The following TIAM2 variants were observed in gnomAD, a reference collection of about 807,000 sequenced individuals.
The protein encoded by TIAM2 is rho guanine nucleotide exchange factor TIAM2.
In TIAM2, 80 loss-of-function variants were observed where a neutral mutation model predicts 152.9. The observed-to-expected ratio is 0.52, with a 90% CI of 0.44 to 0.63. TIAM2 has a LOEUF of 0.63. Ranked by LOEUF, TIAM2 falls within the 30% of genes least tolerant of loss-of-function variation. The pLI is 0.00. For missense variants in TIAM2, 1,965 were observed against 2,120.1 expected, an observed-to-expected ratio of 0.93 and a Z score of 1.44; for synonymous variants, 804 against 838.0, an observed-to-expected ratio of 0.96 and a Z score of 0.70.
At chr6:155,048,566 A>G (rs200494488) in intron 1 of TIAM2, among the ~76,000 whole-genome samples, 1 of 46,512 alleles carries the variant, frequency 2.1e-5, no homozygotes, top group Non-Finnish European at 7.3e-5. Flanking sequence ...AATGGGGGTC[A>G]GGGGTGTCCT....
At chr6:155,091,431 C>T (rs1018850823) in intron 2 of TIAM2, among the ~76,000 whole-genome samples, 3 of 152,136 alleles carry the variant, frequency 2.0e-5, no homozygotes, top group Non-Finnish European at 4.4e-5. Flanking sequence ...ATGAGTTGAA[C>T]GGTTAAATGA....
In TIAM2 at chr6:155,176,899, C is replaced by T; in HGVS notation, c.2445C>T (p.His815=). The change falls in exon 10 of 27, where the codon CAC becomes CAT. Residue 815 remains histidine, a synonymous_variant. Transcript: ENST00000682666. ...DNAWEIQTYV[H]FQDNHGVTVG... is the part of the protein sequence containing the mutation. ...CATGGGAAATCCAGACTTATGTCCACTTTCAGGACAATCACGGAGTTACTG... is the reference window on the plus strand; with the variant it reads ...CATGGGAAATCCAGACTTATGTCCATTTTCAGGACAATCACGGAGTTACTG... 6.2e-7 allele frequency: 1 copy of T among 1,614,012 alleles called. No individual in the cohort carries two copies.
intron 15 of TIAM2, among the ~76,000 whole-genome samples, chr6:155,219,460 GGCGGA>G (rs1781967022): frequency 6.6e-6 from 1 of 152,140 alleles, no homozygotes; most frequent in African/African-American, 2.4e-5. Context: ...GTCAGAGTTG[GGCGGA>G]GTGTGGCACC....
intron 24 of TIAM2, 88 bp from the exon 25 acceptor site, chr6:155,253,885 A>C (rs1783831556): frequency 1.0e-6 from 1 of 953,436 alleles, no homozygotes; most frequent in African/African-American, 1.7e-5. Flanking sequence ...GACTTTCTTA[A>C]CTGATGAGAT....
chr6:155,095,856 G>A (rs1583187327), intron 2 of TIAM2, among the ~76,000 whole-genome samples: 2 of 152,178 alleles, frequency 1.3e-5, no homozygotes, highest in African/African-American at 2.4e-5. Flanking sequence ...CAGATTACTT[G>A]CACTTTCTCC....
intron 2 of TIAM2, among the ~76,000 whole-genome samples, chr6:155,126,281 C>T (rs1779293657): frequency 6.6e-6 from 1 of 152,178 alleles, no homozygotes; most frequent in African/African-American, 2.4e-5. Flanking sequence ...TTCATAGAGG[C>T]AGAAAGTAGA....
rs1209785997 is a variant in TIAM2, at chr6:155,137,324, G to A, written c.1342G>A (p.Ala448Thr). 1.2e-6 allele frequency: 2 copies of A among 1,614,084 alleles called. No homozygotes were observed. Among genetic ancestry groups the A allele is most frequent in the Non-Finnish European group, 1.7e-6 (2 of 1,180,036 alleles). Reference protein sequence around the residue: ...ILSQRSESTHAIGSDPLRQNI... With the variant: ...ILSQRSESTHTIGSDPLRQNI... ...GTCTCAGAGAAGTGAATCCACACATGCGATTGGCAGCGATCCCCTCCGGCA... is the reference window on the plus strand; with the variant it reads ...GTCTCAGAGAAGTGAATCCACACATACGATTGGCAGCGATCCCCTCCGGCA... Residue 448 changes from alanine to threonine, a missense_variant, in exon 5 of 27, where the codon GCG (alanine) becomes ACG (threonine). Coordinates refer to ENST00000682666, the MANE Select transcript of TIAM2 (RefSeq NM_012454.4).
chr6:155,188,674 A>G (rs1480247844), intron 14 of TIAM2, among the ~76,000 whole-genome samples: 1 of 152,202 alleles, frequency 6.6e-6, no homozygotes, highest in Non-Finnish European at 1.5e-5. Flanking sequence ...CATACTTGTG[A>G]TTTGTGTATG....
intron 14 of TIAM2, among the ~76,000 whole-genome samples, chr6:155,205,980 T>A (rs1781585516): frequency 6.6e-6 from 1 of 152,222 alleles, no homozygotes; most frequent in Admixed American, 6.5e-5. Context: ...ATTTCTGTTT[T>A]TAAGTTGGTA....
At chr6:155,085,555 G>A (rs571101191) in intron 1 of TIAM2, among the ~76,000 whole-genome samples, 48 of 151,724 alleles carry the variant, frequency 3.2e-4, no homozygotes, top group Non-Finnish European at 5.9e-4. Context: ...TTTCTTAGAT[G>A]TGGCCATTAA....
At chr6:155,169,901 C>T (rs1355113977) in intron 9 of TIAM2, among the ~76,000 whole-genome samples, 2 of 152,134 alleles carry the variant, frequency 1.3e-5, no homozygotes, top group African/African-American at 4.8e-5. Context: ...TCACTGAAAC[C>T]TCTGCCTCCC....
chr6:155,068,500 A>G (rs1777755403), intron 1 of TIAM2, among the ~76,000 whole-genome samples: 1 of 151,596 alleles, frequency 6.6e-6, no homozygotes, highest in Admixed American at 6.6e-5. Flanking sequence ...CAATGGCACG[A>G]TCTTGTCCCA....
chr6:155,025,294 C>T (rs557937543), intron 1 of TIAM2, among the ~76,000 whole-genome samples: 175 of 151,602 alleles, frequency 1.2e-3, no homozygotes, highest in Admixed American at 2.0e-3. Context: ...CCCGGGTTCA[C>T]GCCATTCTCC....
Position 155,188,272 on chromosome 6 carries a change from C to A in TIAM2, c.3064+4772C>A, listed in dbSNP as rs537605315. ...AGACACCATGTTCCATTTGGCAAAT[C>A]GCTTACACTGGGAAGCAAAGAACTT... On this transcript the variant is annotated intron_variant, in intron 14 of 26. Coordinates refer to ENST00000682666, the MANE Select transcript of TIAM2 (RefSeq NM_012454.4). Among the ~76,000 whole-genome samples the A allele has an allele frequency of 4.6e-5, 7 of 152,288 alleles. No homozygotes were observed. The South Asian group carries it at 1.2e-3, about 27-fold the overall frequency.
chr6:155,115,065 T>A (rs1372241405), intron 2 of TIAM2, among the ~76,000 whole-genome samples: 1 of 150,770 alleles, frequency 6.6e-6, no homozygotes, highest in Non-Finnish European at 1.5e-5. Flanking sequence ...TGACCTCAGG[T>A]GATCCACCTG....
intron 1 of TIAM2, among the ~76,000 whole-genome samples, chr6:155,018,526 C>A (rs1778638885): frequency 6.7e-6 from 1 of 148,222 alleles, no homozygotes; most frequent in Non-Finnish European, 1.5e-5. Context: ...GGCTGAGGCA[C>A]AAGAATTGCT....
At chr6:155,198,768 G>A (rs1188603454) in intron 14 of TIAM2, among the ~76,000 whole-genome samples, 1 of 151,780 alleles carries the variant, frequency 6.6e-6, no homozygotes. Context: ...CACATCTTGA[G>A]GCTTCCATGA....
At chr6:155,210,506 A>G (rs553744695) in intron 14 of TIAM2, among the ~76,000 whole-genome samples, 4 of 151,044 alleles carry the variant, frequency 2.6e-5, no homozygotes, top group East Asian at 1.9e-4. Context: ...TTTTTTTTCA[A>G]TTTCTCGTAG....
intron 1 of TIAM2, among the ~76,000 whole-genome samples, chr6:155,087,927 T>C (rs1778209359): frequency 6.6e-6 from 1 of 152,120 alleles, no homozygotes; most frequent in South Asian, 2.1e-4. Context: ...CACTACCTCT[T>C]TGAGTTTTAA....
Sources: gnomAD v4.1 joint callset for allele counts (sites outside exome capture counted in the v4.1 genomes callset) on GRCh38, gnomAD v4.1.1 for gene constraint, MANE v1.5 for transcripts, NCBI Gene and HGNC (gene_info 2026-07-23, HGNC 2026-07-21) for gene names.